The following USP6NL variants were observed in gnomAD, a reference collection of about 807,000 sequenced individuals.
USP6NL encodes the protein USP6 N-terminal-like protein.
Under a neutral mutation model 61.9 loss-of-function variants are expected in USP6NL, and 26 were observed. The observed-to-expected ratio is 0.42, with a 90% confidence interval of 0.31 to 0.58. USP6NL has a LOEUF of 0.58. Ranked by LOEUF, USP6NL falls within the 20% of genes least tolerant of loss-of-function variation. The probability of loss-of-function intolerance (pLI) is 0.16; values close to 1 mark genes in which losing one functional copy is unlikely to be tolerated. For synonymous variants in USP6NL, 432 were observed against 390.1 expected (o/e 1.11, Z -1.27); for missense variants, 1,114 against 1,034.3 (o/e 1.08, Z -1.06).
At chr10:11,551,581 G>A (rs561579534) in intron 2 of USP6NL, among the ~76,000 whole-genome samples, 13 of 152,234 alleles carry the variant, frequency 8.5e-5, no homozygotes, top group African/African-American at 1.9e-4. Flanking sequence ...AGATACCATC[G>A]CAGCGATGAG....
rs1426844672 is a variant in USP6NL at position 11,520,859 on chromosome 10, T to A, written c.156-2285A>T. 6.6e-6 allele frequency among the ~76,000 whole-genome samples: 1 copy of A among 152,186 alleles called. No individual in the cohort carries two copies. The highest frequency in any genetic ancestry group is 2.4e-5 in the African/African-American group (1 of 41,438). ...CCAAAGATCCTTCATATCTGGCTCT[T>A]TAGAGAAAATGTTTGCCAAACCCTG... On this transcript the variant is annotated intron_variant, in intron 4 of 14. Transcript: ENST00000609104. This position sits in a 1 kb window ranked among gnomAD's most constrained non-coding sequence, Gnocchi z 5.2.
chr10:11,560,484 G>T (rs192798057), intron 2 of USP6NL, among the ~76,000 whole-genome samples: 1 of 151,854 alleles, frequency 6.6e-6, no homozygotes, highest in Non-Finnish European at 1.5e-5. Flanking sequence ...TAAGGCTCAG[G>T]ATTTTTTTTT....
At chr10:11,501,267 T>C (rs1834178913) in intron 6 of USP6NL, 59 bp from the exon 7 acceptor site, 1 of 1,300,182 alleles carries the variant, frequency 7.7e-7, no homozygotes, top group South Asian at 1.4e-5. Context: ...GATTAGTCTC[T>C]ACAGTTAATC....
rs1159802093 is a variant in USP6NL at position 11,598,791 on chromosome 10, C to T, written c.-83-1074G>A. ...TTTGAAGAAATACTGCTTGCCACAT[C>T]TATATACTGTACTTGCGTCATGTAA... On this transcript the variant is annotated intron_variant, in intron 1 of 14. Coordinates refer to ENST00000609104, the MANE Select transcript of USP6NL (RefSeq NM_014688.5). This position sits in a 1 kb window ranked among gnomAD's most constrained non-coding sequence, Gnocchi z 4.7. Among the ~76,000 whole-genome samples, 1 of 152,234 alleles carries T rather than the reference C, an allele frequency of 6.6e-6. No homozygotes were observed. The highest frequency in any genetic ancestry group is 1.5e-5 in the Non-Finnish European group (1 of 68,044).
Position 11,520,817 on chromosome 10 carries a change from C to T in USP6NL, c.156-2243G>A, listed in dbSNP as rs1246349924. On this transcript the variant is annotated intron_variant, in intron 4 of 14. Coordinates refer to ENST00000609104, the MANE Select transcript of USP6NL (RefSeq NM_014688.5). The surrounding 1 kb of genome is among the most constrained non-coding windows in gnomAD (Gnocchi z 5.2). ...CAGGGTTAAGCAGTTGTGACAAAGA[C>T]CGTATGACCTACAAAGCCAAAGATC... Among the ~76,000 whole-genome samples, 1 of 152,202 alleles carries T rather than the reference C, an allele frequency of 6.6e-6. No individual in the cohort carries two copies. Among genetic ancestry groups the T allele is most frequent in the African/African-American group, 2.4e-5 (1 of 41,440 alleles).
intron 1 of USP6NL, among the ~76,000 whole-genome samples, chr10:11,609,715 A>G (rs1209354484): frequency 6.6e-6 from 1 of 152,218 alleles, no homozygotes; most frequent in Admixed American, 6.5e-5. Flanking sequence ...ATGGTGGCAA[A>G]GATGGACCAA....
intron 10 of USP6NL, among the ~76,000 whole-genome samples, chr10:11,488,219 C>G (rs190509158): frequency 7.4e-4 from 113 of 152,088 alleles, no homozygotes; most frequent in African/African-American, 2.7e-3. Context: ...TGAGACCAGC[C>G]TACTCAACAT....
intron 1 of USP6NL, among the ~76,000 whole-genome samples, chr10:11,610,256 ACTAT>A (rs1395103680): frequency 3.9e-5 from 6 of 152,220 alleles, no homozygotes; most frequent in African/African-American, 1.2e-4. Context: ...AATGAACTAC[ACTAT>A]GTTTACAAAT....
intron 6 of USP6NL, among the ~76,000 whole-genome samples, chr10:11,504,783 G>A (rs1161443117): frequency 6.6e-6 from 1 of 152,224 alleles, no homozygotes; most frequent in East Asian, 1.9e-4. Flanking sequence ...AACTTAAACA[G>A]AGAATCCTTT....
At chr10:11,576,638 G>T (rs1433120945) in intron 2 of USP6NL, among the ~76,000 whole-genome samples, 2 of 152,176 alleles carry the variant, frequency 1.3e-5, no homozygotes, top group African/African-American at 4.8e-5. Context: ...CCAGCCTCCA[G>T]AACTGTAAGA....
rs529714985 is a variant in USP6NL at position 11,478,683 on chromosome 10, T to C, written c.1078+3087A>G. Among the ~76,000 whole-genome samples the C allele has an allele frequency of 5.9e-5, 9 of 152,160 alleles. No individual in the cohort carries two copies. Among genetic ancestry groups the C allele is most frequent in the Non-Finnish European group, 1.0e-4 (7 of 67,984 alleles). On this transcript the variant is annotated intron_variant, in intron 14 of 14. Transcript: ENST00000609104. The surrounding 1 kb of genome is among the most constrained non-coding windows in gnomAD (Gnocchi z 6.8). The stretch of plus-strand genomic sequence containing the variant: ...ACTTTGGGAGGCTGAGGTGGGCAGA[T>C]TGCTTGAGTCCAGGAGTCTGAGACC...
At chr10:11,534,416 C>A (rs1042701365) in intron 2 of USP6NL, among the ~76,000 whole-genome samples, 1 of 152,160 alleles carries the variant, frequency 6.6e-6, no homozygotes, top group Admixed American at 6.5e-5. Flanking sequence ...TTGCCGCAGG[C>A]CAAAATTAGA....
Position 11,463,122 on chromosome 10 carries a change from C to T in USP6NL, c.1806G>A (p.Lys602=). 2 of 1,613,982 alleles carry T rather than the reference C, an allele frequency of 1.2e-6. No individual in the cohort carries two copies. The highest frequency in any genetic ancestry group is 1.7e-6 in the Non-Finnish European group (2 of 1,179,894). The change falls in exon 15 of 15, where the codon AAG becomes AAA. Residue 602 remains lysine (K), a synonymous_variant. Transcript: ENST00000609104. The surrounding 1 kb of genome is among the most constrained non-coding windows in gnomAD (Gnocchi z 6.3). The stretch of plus-strand genomic sequence containing the variant: ...TTGGAGGCTGTACTTTAAAAGTAAA[C>T]TTGTTGGATACTTTTGATGGACTAG... ...PSSSPSKVSN[K]FTFKVQPPSH... is the part of the protein sequence containing the mutation.
At chr10:11,530,027 G>A (rs765293978) in intron 2 of USP6NL, among the ~76,000 whole-genome samples, 16 of 150,862 alleles carry the variant, frequency 1.1e-4, no homozygotes, top group Non-Finnish European at 2.4e-4. Flanking sequence ...GCTTGAGGCC[G>A]GGAGGCAGAG....
intron 6 of USP6NL, among the ~76,000 whole-genome samples, chr10:11,507,385 A>G (rs1206926651): frequency 6.6e-6 from 1 of 152,230 alleles, no homozygotes; most frequent in Non-Finnish European, 1.5e-5. Flanking sequence ...TGTAACTAAT[A>G]TTCTACTTTG....
rs1012978848 is a variant in USP6NL, at chr10:11,495,394, G to A, written c.385-2166C>T. On this transcript the variant is annotated intron_variant, in intron 7 of 14. Transcript: ENST00000609104. This position sits in a 1 kb window ranked among gnomAD's most constrained non-coding sequence, Gnocchi z 4.6. ...TTATACTGGAACAGCTCGTGTCCTC[G>A]GTCTCTTGCCTCAGCACCTGGATGG... 2.0e-5 allele frequency among the ~76,000 whole-genome samples: 3 copies of A among 151,888 alleles called. No individual in the cohort carries two copies. Among genetic ancestry groups the A allele is most frequent in the African/African-American group, 4.8e-5 (2 of 41,338 alleles).
At position 11,468,223 on chromosome 10, in the gene USP6NL, A is replaced by C. The variant is rs755762115; in HGVS notation, c.1079-4374T>G. 6.6e-6 allele frequency among the ~76,000 whole-genome samples: 1 copy of C among 152,160 alleles called. No individual in the cohort carries two copies. The highest frequency in any genetic ancestry group is 1.5e-5 in the Non-Finnish European group (1 of 68,028). On this transcript the variant is annotated intron_variant, in intron 14 of 14. Transcript: ENST00000609104. This position sits in a 1 kb window ranked among gnomAD's most constrained non-coding sequence, Gnocchi z 4.5. ...CATTATTCAACTTTAATCCTCTGTA[A>C]AAAGTGGAACTACATTTTTCTTATC... is the stretch of plus-strand genomic sequence containing the variant.
chr10:11,526,862 T>A (rs975853280), intron 3 of USP6NL, among the ~76,000 whole-genome samples: 1 of 152,100 alleles, frequency 6.6e-6, no homozygotes, highest in African/African-American at 2.4e-5. Context: ...CATACCAACA[T>A]AAGGATAAAA....
chr10:11,557,233 C>T (rs1836739479), intron 2 of USP6NL, among the ~76,000 whole-genome samples: 1 of 152,106 alleles, frequency 6.6e-6, no homozygotes, highest in African/African-American at 2.4e-5. Context: ...AGAGAGAGAA[C>T]TTGAAACTGT....
Sources: allele counts gnomAD v4.1 joint callset (sites outside exome capture counted in the v4.1 genomes callset), GRCh38; gene constraint gnomAD v4.1.1; non-coding constraint Gnocchi (gnomAD v3.1); transcripts MANE v1.5; gene names NCBI Gene and HGNC (gene_info 2026-07-23, HGNC 2026-07-21).